The following EXT2 variants were observed in gnomAD, a reference collection of about 807,000 sequenced individuals.
The protein encoded by EXT2 is exostosin glycosyltransferase 2, also known as exostosin-2.
Under a neutral mutation model 81.6 loss-of-function variants are expected in EXT2, and 53 were observed. The observed-to-expected ratio is 0.65, with a 90% CI of 0.52 to 0.82. The LOEUF (loss-of-function observed/expected upper bound fraction) is 0.82. Ranked by LOEUF, EXT2 falls within the 40% of genes least tolerant of loss-of-function variation. The pLI, the probability that EXT2 is intolerant of heterozygous loss-of-function variation, is 0.00. For synonymous variants in EXT2, 320 were observed against 340.0 expected (o/e 0.94, Z 0.65); for missense variants, 774 against 910.2 (o/e 0.85, Z 1.93).
At chr11:44,183,167 G>T (rs1468404127) in intron 8 of EXT2, among the ~76,000 whole-genome samples, 1 of 152,124 alleles carries the variant, frequency 6.6e-6, no homozygotes, top group Non-Finnish European at 1.5e-5. Context: ...TCCTATTACT[G>T]GTGATGATAA....
chr11:44,124,625 T>C (rs975937151), intron 4 of EXT2, among the ~76,000 whole-genome samples, 164 bp from the exon 5 acceptor site: 1 of 152,192 alleles, frequency 6.6e-6, no homozygotes. Flanking sequence ...CAATATATAA[T>C]ATTTTAAATA....
intron 7 of EXT2, among the ~76,000 whole-genome samples, chr11:44,165,170 G>T (rs977813452): frequency 3.3e-5 from 5 of 152,160 alleles, no homozygotes; most frequent in African/African-American, 4.8e-5. Flanking sequence ...GAGCCACCGC[G>T]CCCGGCCCAC....
rs1378958539 is a variant in EXT2 at position 44,244,221 on chromosome 11, C to T, written c.2091C>T (p.Asp697=). 1.2e-6 allele frequency: 2 copies of T among 1,613,910 alleles called. No homozygotes were observed. Among genetic ancestry groups the T allele is most frequent in the East Asian group, 4.5e-5 (2 of 44,880 alleles). ...TCAAGGTGGTGGAACACCGAGCTGA[C>T]CCTGTCCTGTACAAAGATGACTTTC... ...MPLKVVEHRA[D]PVLYKDDFPE... The change falls in exon 14 of 14, where the codon GAC becomes GAT. Residue 697 remains aspartate, a synonymous_variant. Coordinates refer to ENST00000533608, the MANE Select transcript of EXT2 (RefSeq NM_207122.2).
intron 7 of EXT2, 128 bp from the exon 8 acceptor site, chr11:44,171,483 A>T: frequency 7.1e-7 from 1 of 1,399,176 alleles, no homozygotes; most frequent in Non-Finnish European, 1.0e-6. Context: ...CATATGCCCT[A>T]GGCACCCCCA....
chr11:44,180,944 T>C (rs2863051), intron 8 of EXT2, among the ~76,000 whole-genome samples: 2,702 of 151,972 alleles, frequency 0.018, 88 homozygotes, highest in African/African-American at 0.061. Flanking sequence ...TCTACAAAAA[T>C]ACAAAAATTA....
intron 8 of EXT2, among the ~76,000 whole-genome samples, chr11:44,191,675 T>C (rs982717911): frequency 2.0e-5 from 3 of 152,220 alleles, no homozygotes; most frequent in African/African-American, 7.2e-5. Flanking sequence ...GGGTCAGTTC[T>C]TAAAGGTATT....
chr11:44,101,509 C>G (rs1244366460), intron 1 of EXT2, among the ~76,000 whole-genome samples: 2 of 152,144 alleles, frequency 1.3e-5, no homozygotes, highest in Non-Finnish European at 2.9e-5. Flanking sequence ...AAGGTTAAGT[C>G]ACTTTGGACT....
chr11:44,211,255 A>G (rs1026170955), intron 10 of EXT2, among the ~76,000 whole-genome samples: 3 of 152,226 alleles, frequency 2.0e-5, no homozygotes, highest in African/African-American at 7.2e-5. Context: ...CTGCCATATG[A>G]TCCAGCAACC....
At chr11:44,117,391 CA>C (rs1440948552) in intron 4 of EXT2, among the ~76,000 whole-genome samples, 1 of 152,170 alleles carries the variant, frequency 6.6e-6, no homozygotes, top group Non-Finnish European at 1.5e-5. Context: ...TTGCCTAATC[CA>C]AGGCCATGAA....
chr11:44,177,735 G>T (rs1955178954), intron 8 of EXT2, among the ~76,000 whole-genome samples: 2 of 151,058 alleles, frequency 1.3e-5, no homozygotes, highest in Non-Finnish European at 2.9e-5. Flanking sequence ...TTTTTTCCAA[G>T]TTTGCTATCA....
intron 7 of EXT2, among the ~76,000 whole-genome samples, chr11:44,138,044 T>C (rs1355766337): frequency 1.3e-5 from 2 of 152,130 alleles, no homozygotes; most frequent in Non-Finnish European, 2.9e-5. Flanking sequence ...TCTTCACAAC[T>C]GGGTAGCCTC....
chr11:44,242,270 T>C (rs750786966), intron 13 of EXT2, among the ~76,000 whole-genome samples: 9 of 152,166 alleles, frequency 5.9e-5, no homozygotes, highest in Non-Finnish European at 7.4e-5. Context: ...AAGTAAAACC[T>C]TGGAGAGATT....
chr11:44,173,500 G>A (rs1243247971), intron 8 of EXT2, among the ~76,000 whole-genome samples: 14 of 148,152 alleles, frequency 9.4e-5, no homozygotes, highest in South Asian at 2.1e-4. Context: ...TGGGTATATC[G>A]TATGTAATAG....
At chr11:44,163,287 T>G (rs1954951151) in intron 7 of EXT2, among the ~76,000 whole-genome samples, 1 of 152,224 alleles carries the variant, frequency 6.6e-6, no homozygotes. Context: ...TTACAGTAAT[T>G]CTAAACTAAA....
intron 8 of EXT2, chr11:44,171,973 CTATT>C (rs1440333149): frequency 3.5e-6 from 2 of 571,000 alleles, no homozygotes; most frequent in Non-Finnish European, 6.2e-6. Flanking sequence ...GAAAGACTGT[CTATT>C]TATTGCAGAG....
intron 7 of EXT2, among the ~76,000 whole-genome samples, chr11:44,160,517 C>T (rs1227240219): frequency 6.6e-6 from 1 of 152,050 alleles, no homozygotes; most frequent in East Asian, 1.9e-4. Context: ...GATGGCATTC[C>T]AGAAAAAGGG....
rs773676927 is a variant in EXT2 at position 44,171,726 on chromosome 11, A to G, written c.1289A>G (p.Asn430Ser). 2.5e-6 allele frequency: 4 copies of G among 1,614,068 alleles called. No homozygotes were observed. The highest frequency in any genetic ancestry group is 1.1e-5 in the South Asian group (1 of 91,082). ...GCTGCCATCTCCTATGAAGAATGGA[A>G]TGACCCTCCTGCTGTGGTAAGTGAA... is the stretch of plus-strand genomic sequence containing the variant. ...PYAAISYEEW[N>S]DPPAVKWGSV... Residue 430 changes from asparagine to serine, a missense_variant, in exon 8 of 14, where the codon AAT (asparagine) becomes AGT (serine). Asn to Ser is a conservative substitution (Grantham distance 46). This residue lies in a region of EXT2 where 626 missense variants were observed against 670.5 expected (regional missense o/e 0.93). Coordinates refer to ENST00000533608, the MANE Select transcript of EXT2 (RefSeq NM_207122.2).
chr11:44,243,076 A>G (rs971580542), intron 13 of EXT2, among the ~76,000 whole-genome samples: 24 of 152,202 alleles, frequency 1.6e-4, no homozygotes, highest in African/African-American at 5.8e-4. Flanking sequence ...AAATGAAATA[A>G]TAACAAATTT....
chr11:44,200,022 G>A (rs1955503797), intron 9 of EXT2, among the ~76,000 whole-genome samples: 1 of 152,066 alleles, frequency 6.6e-6, no homozygotes, highest in Non-Finnish European at 1.5e-5. Flanking sequence ...GTTGTTTGGG[G>A]AGAACATGAA....
Sources: gnomAD v4.1 joint callset for allele counts (sites outside exome capture counted in the v4.1 genomes callset) on GRCh38, gnomAD v4.1.1 for gene constraint, gnomAD v4.1.1 regional missense constraint, MANE v1.5 for transcripts, NCBI Gene and HGNC (gene_info 2026-07-23, HGNC 2026-07-21) for gene names.